Variants in FAM20C observed in about 807,000 individuals in gnomAD.
The protein encoded by FAM20C is FAM20C golgi associated secretory pathway kinase, also known as extracellular serine/threonine protein kinase FAM20C.
Under a neutral mutation model 51.5 loss-of-function variants are expected in FAM20C, and 40 were observed. That is an observed-to-expected ratio of 0.78 (90% confidence interval 0.60 to 1.01). The LOEUF is 1.01. Ranked by LOEUF, FAM20C falls within the 50% of genes least tolerant of loss-of-function variation. The probability of loss-of-function intolerance (pLI) is 0.00; values close to 1 mark genes in which losing one functional copy is unlikely to be tolerated. For missense variants in FAM20C, 861 were observed against 844.7 expected (o/e 1.02, Z -0.24); for synonymous variants, 406 against 380.6 (o/e 1.07, Z -0.78).
intron 3 of FAM20C, 80 bp from the exon 4 acceptor site, chr7:246,334 AC>A (rs1331891435): frequency 1.0e-5 from 12 of 1,180,908 alleles, no homozygotes; most frequent in Non-Finnish European, 1.5e-5. Flanking sequence ...CATATGAGGA[AC>A]CCAGCACGTC....
chr7:241,173 C>T lies in FAM20C; in HGVS notation c.864-5242C>T, dbSNP rs918816733. Among the ~76,000 whole-genome samples, 366 of 151,736 alleles carry T rather than the reference C, an allele frequency of 2.4e-3. 1 individual carries two copies. The highest frequency in any genetic ancestry group is 8.6e-3 in the African/African-American group (352 of 41,030). ...TCCCTGCTTCCTCCTGCTGGGGTCA[C>T]CTGGGTCTGGCCCCTTCCCTGGGGC... is the stretch of plus-strand genomic sequence containing the variant. On this transcript the variant is annotated intron_variant, in intron 3 of 9. Coordinates refer to ENST00000313766, the MANE Select transcript of FAM20C (RefSeq NM_020223.4).
intron 3 of FAM20C, among the ~76,000 whole-genome samples, chr7:211,080 C>G (rs1029472996): frequency 2.0e-5 from 3 of 151,724 alleles, no homozygotes; most frequent in Non-Finnish European, 2.9e-5. Context: ...TCCCCTTAAG[C>G]CCAGGGTGCG....
chr7:258,015 GGC>G (rs1562401325), intron 8 of FAM20C, among the ~76,000 whole-genome samples: 5 of 52,366 alleles, frequency 9.5e-5, no homozygotes, highest in African/African-American at 1.5e-4. Flanking sequence ...CTGGAGATGG[GGC>G]TGGGTGGACC....
chr7:248,878 C>T (rs531339414), intron 5 of FAM20C, among the ~76,000 whole-genome samples: 7 of 152,322 alleles, frequency 4.6e-5, no homozygotes, highest in Middle Eastern at 3.4e-3. Context: ...TAGCCTGGCA[C>T]GTGCCCTGTG....
At chr7:236,887 A>ATGGTCGGGGT in intron 3 of FAM20C, among the ~76,000 whole-genome samples, 1 of 140,494 alleles carries the variant, frequency 7.1e-6, no homozygotes. Context: ...TGTCGGGCTC[A>ATGGTCGGGGT]TCTGGATGCG....
At chr7:244,033 C>T (rs1346494720) in intron 3 of FAM20C, among the ~76,000 whole-genome samples, 1 of 151,634 alleles carries the variant, frequency 6.6e-6, no homozygotes, top group African/African-American at 2.4e-5. Context: ...CTCCTGGGCT[C>T]AGGTGATCCT....
chr7:259,568 T>TTCTCTCTCCCTCTCTTCC (rs1788797600), intron 9 of FAM20C, among the ~76,000 whole-genome samples, 163 bp from the exon 10 acceptor site: 1 of 40,924 alleles, frequency 2.4e-5, no homozygotes, highest in African/African-American at 1.7e-4. Flanking sequence ...GTGTCTCTCT[T>TTCTCTCTCCCTCTCTTCC]TCTCTGTGTA....
intron 5 of FAM20C, among the ~76,000 whole-genome samples, chr7:254,808 G>C (rs1188341582): frequency 6.6e-6 from 1 of 152,206 alleles, no homozygotes; most frequent in African/African-American, 2.4e-5. Flanking sequence ...CAGTCTATCT[G>C]GATTTGCCTG....
chr7:233,631 G>T (rs1436664109), intron 3 of FAM20C, among the ~76,000 whole-genome samples: 1 of 152,144 alleles, frequency 6.6e-6, no homozygotes, highest in Non-Finnish European at 1.5e-5. Context: ...CTGAGAGCCG[G>T]CCGCGCAGCG....
chr7:195,487 C>T (rs764688846), intron 1 of FAM20C, 67 bp from the exon 2 acceptor site: 10 of 1,350,462 alleles, frequency 7.4e-6, no homozygotes, highest in Admixed American at 5.9e-5. Flanking sequence ...TCGGTGCCCT[C>T]TCCCCGTCAT....
At chr7:201,823 C>T (rs577566996) in intron 2 of FAM20C, among the ~76,000 whole-genome samples, 58 of 152,324 alleles carry the variant, frequency 3.8e-4, no homozygotes, top group Non-Finnish European at 6.5e-4. Context: ...AACCCAGTGG[C>T]GTCCGAGGGT....
chr7:197,880 T>C (rs1208044749), intron 2 of FAM20C, among the ~76,000 whole-genome samples: 2 of 152,194 alleles, frequency 1.3e-5, no homozygotes, highest in African/African-American at 4.8e-5. Flanking sequence ...GCTTTGTCCA[T>C]CTGGACAAGC....
Position 246,261 on chromosome 7 carries a change from G to C in FAM20C, c.864-154G>C. On this transcript the variant is annotated intron_variant, in intron 3 of 9. Coordinates refer to ENST00000313766, the MANE Select transcript of FAM20C (RefSeq NM_020223.4). The stretch of plus-strand genomic sequence containing the variant: ...CTGCTCTGAGGGCCCGTCGGCAGCT[G>C]GGTGCCCAGGGTCCCGAAGGCTCAG... The C allele has an allele frequency of 4.6e-6, 3 of 657,252 alleles. No homozygotes were observed. In the South Asian group the frequency reaches 5.2e-5, roughly 11 times the overall value. 40.7% of individuals were successfully genotyped at this position (657,252 alleles called of 1,614,324 possible).
chr7:231,463 G>C (rs1486756135), intron 3 of FAM20C, among the ~76,000 whole-genome samples: 1 of 151,328 alleles, frequency 6.6e-6, no homozygotes, highest in East Asian at 2.0e-4. Context: ...GAGGGTCCCG[G>C]CGTGGAGGAC....
intron 1 of FAM20C, 172 bp from the exon 2 acceptor site, chr7:195,382 A>G (rs914696417): frequency 2.2e-5 from 11 of 507,798 alleles, no homozygotes; most frequent in African/African-American, 1.6e-4. Flanking sequence ...CCGAGCGGCC[A>G]CAGAAGAAAG....
At position 228,128 on chromosome 7, in the gene FAM20C, C is replaced by T. The variant is rs1214639752; in HGVS notation, c.864-18287C>T. ...ATGGGGGACGGCGGGCTCAGTCAGGCGCACAGGCCTGTGCCTGCGTAACGA... is the reference window on the plus strand; with the variant it reads ...ATGGGGGACGGCGGGCTCAGTCAGGTGCACAGGCCTGTGCCTGCGTAACGA... On this transcript the variant is annotated intron_variant, in intron 3 of 9. Coordinates refer to ENST00000313766, the MANE Select transcript of FAM20C (RefSeq NM_020223.4). 7 of 277,940 alleles carry T rather than the reference C, an allele frequency of 2.5e-5. 1 individual carries two copies. The highest frequency in any genetic ancestry group is 1.8e-4 in the Admixed American group (4 of 21,940). 17.2% of individuals were successfully genotyped at this position (277,940 alleles called of 1,614,324 possible).
At chr7:227,792 G>GGTTT (rs1260893309) in intron 3 of FAM20C, 4 of 152,282 alleles carry the variant, frequency 2.6e-5, no homozygotes, top group African/African-American at 9.7e-5. Flanking sequence ...GTTTGCTTTT[G>GGTTT]AAATAAAGTC....
rs1318615229 is a variant in FAM20C at position 201,963 on chromosome 7, A to G, written c.784+6231A>G. Among the ~76,000 whole-genome samples, 7 of 152,356 alleles carry G rather than the reference A, an allele frequency of 4.6e-5. No individual in the cohort carries two copies. The East Asian group carries it at 1.3e-3, about 29-fold the overall frequency. On this transcript the variant is annotated intron_variant, in intron 2 of 9. Transcript: ENST00000313766. Reference sequence around the variant, plus strand: ...CATTAACTAGCCATGTTAACTAGTGACGTAGATTAATAATGATGAATCAAT... The same window carrying G: ...CATTAACTAGCCATGTTAACTAGTGGCGTAGATTAATAATGATGAATCAAT...
At chr7:257,256 A>G (rs539636420) in intron 8 of FAM20C, 170 bp downstream of exon 8, 10 of 696,484 alleles carry the variant, frequency 1.4e-5, no homozygotes, top group African/African-American at 1.3e-4. Flanking sequence ...CCAGGCCCCA[A>G]CCAGGAGGGA....
Sources: allele counts gnomAD v4.1 joint callset (sites outside exome capture counted in the v4.1 genomes callset), GRCh38; gene constraint gnomAD v4.1.1; transcripts MANE v1.5; gene names NCBI Gene and HGNC (gene_info 2026-07-23, HGNC 2026-07-21).